Variants in TBC1D19 observed in about 807,000 individuals in gnomAD.
TBC1D19 encodes TBC1 domain family, member 19.
TBC1D19 carries 60 observed loss-of-function variants against 89.0 expected under a neutral mutation model. That is an observed-to-expected ratio of 0.67 (90% CI 0.55 to 0.84). The LOEUF (loss-of-function observed/expected upper bound fraction) is 0.84. Ranked by LOEUF, TBC1D19 falls within the 40% of genes least tolerant of loss-of-function variation. The pLI is 0.00. For synonymous variants in TBC1D19, 189 were observed against 199.7 expected, an observed-to-expected ratio of 0.95 and a Z score of 0.45; for missense variants, 500 against 610.8, an observed-to-expected ratio of 0.82 and a Z score of 1.91.
intron 1 of TBC1D19, among the ~76,000 whole-genome samples, chr4:26,596,923 T>A (rs1005861556): frequency 2.0e-5 from 3 of 152,246 alleles, no homozygotes; most frequent in Non-Finnish European, 2.9e-5. Context: ...TGTTATTGAT[T>A]TCTAGGCTGA....
rs145700182 is a variant in TBC1D19, at chr4:26,596,421, A to C, written c.99+12129A>C. ...AACCTCTATTTCTTGTTAATGTCTG[A>C]AAAAATCTGTTACCATTTCTGATAA... On this transcript the variant is annotated intron_variant, in intron 1 of 20. Transcript: ENST00000264866. Among the ~76,000 whole-genome samples, 1,097 of 151,736 alleles carry C rather than the reference A, an allele frequency of 7.2e-3. 1 individual carries two copies. Among genetic ancestry groups the C allele is most frequent in the Non-Finnish European group, 0.011 (720 of 67,928 alleles).
Position 26,683,723 on chromosome 4 carries a change from C to A in TBC1D19, c.865C>A (p.Leu289Ile). 3 of 1,612,542 alleles carry A rather than the reference C, an allele frequency of 1.9e-6. No individual in the cohort carries two copies. Among genetic ancestry groups the A allele is most frequent in the Non-Finnish European group, 2.5e-6 (3 of 1,179,418 alleles). Residue 289 changes from leucine (L) to isoleucine (I), a missense_variant, in exon 12 of 21, where the codon CTT becomes ATT. Physicochemically the swap from Leu to Ile is conservative, Grantham distance 5 (BLOSUM62 2). Around this residue, in one of 2 missense-constraint regions of TBC1D19, gnomAD observed 220 missense variants for 319.1 expected, o/e 0.69. Coordinates refer to ENST00000264866, the MANE Select transcript of TBC1D19 (RefSeq NM_018317.4). ...QLKTNVIQHDLLVDSLIYKDV... is the reference protein window; with the variant it reads ...QLKTNVIQHDILVDSLIYKDV... ...TAAGACCAATGTGATACAACATGAC[C>A]TTTTGGTGGACAGTCTAATCTATAA...
At chr4:26,706,509 T>C (rs1426618838) in intron 13 of TBC1D19, among the ~76,000 whole-genome samples, 1 of 152,124 alleles carries the variant, frequency 6.6e-6, no homozygotes, top group East Asian at 1.9e-4. Context: ...TCTATTGTTT[T>C]CCTATTCTCC....
At chr4:26,655,261 G>A (rs528760625) in intron 7 of TBC1D19, among the ~76,000 whole-genome samples, 1 of 152,174 alleles carries the variant, frequency 6.6e-6, no homozygotes, top group South Asian at 2.1e-4. Flanking sequence ...ACCCGGCCAT[G>A]TGAGGTGTCA....
At chr4:26,731,910 G>A (rs1018530696) in intron 15 of TBC1D19, among the ~76,000 whole-genome samples, 1 of 152,062 alleles carries the variant, frequency 6.6e-6, no homozygotes, top group Non-Finnish European at 1.5e-5. Context: ...AGGAAGTAAA[G>A]GAAGTCAATA....
At chr4:26,812,199 G>T in the TBC1D19 span, among the ~76,000 whole-genome samples, 7 of 152,142 alleles carry the variant, frequency 4.6e-5, no homozygotes, top group Non-Finnish European at 8.8e-5. This position sits in a 1 kb window ranked among gnomAD's most constrained non-coding sequence, Gnocchi z 4.2. Flanking sequence ...GAATGGGGGT[G>T]CTTCCTCTAG....
chr4:26,591,978 A>G (rs1452544655), intron 1 of TBC1D19, among the ~76,000 whole-genome samples: 4 of 152,174 alleles, frequency 2.6e-5, no homozygotes, highest in African/African-American at 9.7e-5. Context: ...ATCCTCCCTA[A>G]CTCATTTTAT....
chr4:26,703,874 T>C (rs1577960446), intron 13 of TBC1D19, among the ~76,000 whole-genome samples: 1 of 143,294 alleles, frequency 7.0e-6, no homozygotes, highest in African/African-American at 2.6e-5. Flanking sequence ...GGCAGGAGAA[T>C]GGCGTGAACC....
the TBC1D19 span, among the ~76,000 whole-genome samples, chr4:26,821,472 A>G: frequency 1.3e-5 from 2 of 152,204 alleles, no homozygotes; most frequent in Non-Finnish European, 2.9e-5. Context: ...TCATGTAAAC[A>G]GGTATTTATT....
At chr4:26,730,207 A>G (rs1560501063) in intron 15 of TBC1D19, among the ~76,000 whole-genome samples, 1 of 152,216 alleles carries the variant, frequency 6.6e-6, no homozygotes, top group Admixed American at 6.5e-5. Flanking sequence ...CAAGCATTTA[A>G]TGAGTACCTG....
At chr4:26,641,013 A>T (rs1044413597) in intron 7 of TBC1D19, among the ~76,000 whole-genome samples, 1 of 152,220 alleles carries the variant, frequency 6.6e-6, no homozygotes, top group Non-Finnish European at 1.5e-5. Flanking sequence ...CTGCAGACTT[A>T]AAACATCCCT....
chr4:26,682,467 CAG>C (rs1482303487), intron 11 of TBC1D19, among the ~76,000 whole-genome samples: 11 of 152,122 alleles, frequency 7.2e-5, no homozygotes, highest in African/African-American at 2.7e-4. Flanking sequence ...TCAGGAAACA[CAG>C]AGTCAGATTT....
the TBC1D19 span, among the ~76,000 whole-genome samples, chr4:26,797,658 T>C: frequency 6.6e-6 from 1 of 152,142 alleles, no homozygotes; most frequent in African/African-American, 2.4e-5. Context: ...TACCAAACTA[T>C]AGTAACTGAA....
chr4:26,770,250 G>GT, the TBC1D19 span, among the ~76,000 whole-genome samples: 1 of 152,030 alleles, frequency 6.6e-6, no homozygotes, highest in South Asian at 2.1e-4. Flanking sequence ...TAGGTTAAAA[G>GT]TAAAAGGGTG....
At chr4:26,633,132 C>T (rs1641562) in intron 4 of TBC1D19, among the ~76,000 whole-genome samples, 62,185 of 151,898 alleles carry the variant, frequency 0.41, 13,277 homozygotes, top group Non-Finnish European at 0.48. Flanking sequence ...TGCTTTGGGC[C>T]TGATGGCTTT....
chr4:26,775,015 G>A, the TBC1D19 span, among the ~76,000 whole-genome samples: 1 of 152,176 alleles, frequency 6.6e-6, no homozygotes, highest in Admixed American at 6.5e-5. Flanking sequence ...TTGTAAAAAT[G>A]ACTTTTCTGT....
At chr4:26,646,953 GA>G (rs1169302764) in intron 7 of TBC1D19, among the ~76,000 whole-genome samples, 1 of 151,932 alleles carries the variant, frequency 6.6e-6, no homozygotes, top group Non-Finnish European at 1.5e-5. Flanking sequence ...TAATGAAAAA[GA>G]ATAGTGACTG....
intron 13 of TBC1D19, among the ~76,000 whole-genome samples, chr4:26,711,998 G>C (rs1311335710): frequency 6.6e-6 from 1 of 151,896 alleles, no homozygotes; most frequent in East Asian, 1.9e-4. Context: ...TCTTCTCTAG[G>C]GCAACAGGGA....
intron 19 of TBC1D19, among the ~76,000 whole-genome samples, chr4:26,749,471 C>T (rs1718833435): frequency 7.6e-6 from 1 of 131,516 alleles, no homozygotes; most frequent in African/African-American, 2.8e-5. Context: ...TTTTTTGAGA[C>T]ACTCTTACTC....
Sources: allele counts gnomAD v4.1 joint callset (sites outside exome capture counted in the v4.1 genomes callset), GRCh38; gene constraint gnomAD v4.1.1; regional missense constraint gnomAD v4.1.1; non-coding constraint Gnocchi (gnomAD v3.1); transcripts MANE v1.5; gene names NCBI Gene and HGNC (gene_info 2026-07-23, HGNC 2026-07-21).